The following AP3M1 variants were observed in gnomAD, a reference collection of about 807,000 sequenced individuals.
AP3M1 encodes adaptor related protein complex 3 subunit mu 1.
Under a neutral mutation model 42.6 loss-of-function variants are expected in AP3M1, and 29 were observed. The observed-to-expected ratio is 0.68, with a 90% CI of 0.51 to 0.93. The LOEUF (loss-of-function observed/expected upper bound fraction) is 0.93. AP3M1 is among the 40% of genes least tolerant of loss of function. The pLI, the probability that AP3M1 is intolerant of heterozygous loss-of-function variation, is 0.00. For missense variants in AP3M1, 416 were observed against 510.2 expected, an observed-to-expected ratio of 0.82 and a Z score of 1.78; for synonymous variants, 178 against 175.3, an observed-to-expected ratio of 1.02 and a Z score of -0.12.
At chr10:74,144,494 C>T (rs1841269098) in intron 1 of AP3M1, among the ~76,000 whole-genome samples, 1 of 151,978 alleles carries the variant, frequency 6.6e-6, no homozygotes, top group South Asian at 2.1e-4. Context: ...ATCCTGGACT[C>T]CTGGGCTCAA....
Position 74,123,843 on chromosome 10 carries a change from G to A in AP3M1, c.1224C>T (p.Val408=). The A allele has an allele frequency of 1.9e-6, 3 of 1,614,106 alleles. No homozygotes were observed. The highest frequency in any genetic ancestry group is 1.7e-6 in the Non-Finnish European group (2 of 1,180,000). ...TCACTTGGAACTTTCCAGCTTTCGT[G>A]ACGTATTTGACTCCTTTAAATGGCT... The part of the protein sequence containing the change: ...KYKPFKGVKY[V]TKAGKFQVRT Residue 408 remains valine (V), a synonymous_variant, in exon 9 of 9, where the codon GTC becomes GTT. Transcript: ENST00000355264.
In AP3M1 at chr10:74,136,613, C is replaced by A. The variant is rs756409463; in HGVS notation, c.445+19G>T. 1 of 1,507,010 alleles carries A rather than the reference C, an allele frequency of 6.6e-7. No individual in the cohort carries two copies. Among genetic ancestry groups the A allele is most frequent in the Non-Finnish European group, 9.0e-7 (1 of 1,110,970 alleles). 93.4% of individuals were successfully genotyped at this position (1,507,010 alleles called of 1,614,324 possible). A position where few individuals can be genotyped will look rare whatever the true frequency, so the allele number is the denominator to read the frequency against. On this transcript the variant is annotated intron_variant, in intron 3 of 8. Coordinates refer to ENST00000355264, the MANE Select transcript of AP3M1 (RefSeq NM_012095.6). ...AGTTTTAATTGCTCAGTTACTAGCACAGTATGTTTTCATCTTACCTGTAAT... is the reference window on the plus strand; with the variant it reads ...AGTTTTAATTGCTCAGTTACTAGCAAAGTATGTTTTCATCTTACCTGTAAT...
chr10:74,138,349 A>C lies in AP3M1; in HGVS notation c.31T>G (p.Ser11Ala), dbSNP rs1467147908. MIHSLFLINCSGDIFLEKHWK... is the reference protein window; with the variant it reads MIHSLFLINCAGDIFLEKHWK... ...TGCTTCTCTAGAAATATGTCACCGG[A>C]ACAGTTTATGAGAAATAGACTGTGG... Residue 11 changes from serine (S) to alanine (A), a missense_variant, in exon 2 of 9, where the codon TCC (serine) becomes GCC (alanine). Physicochemically the swap from Ser to Ala is moderately conservative, Grantham distance 99 (BLOSUM62 1). Transcript: ENST00000355264. The C allele has an allele frequency of 6.2e-7, 1 of 1,614,174 alleles. No individual in the cohort carries two copies. The highest frequency in any genetic ancestry group is 1.7e-5 in the Admixed American group (1 of 60,022).
In AP3M1 at chr10:74,129,937, A is replaced by C; in HGVS notation, c.639T>G (p.Ser213=). ...AAGAAAGGGAGAGATCAGGCATTCC[A>C]GATAGTTTAATGCAAGCATCAATGA... The part of the protein sequence containing the change: ...QGVIDACIKL[S]GMPDLSLSFM... Residue 213 remains serine (S), a synonymous_variant, in exon 5 of 9, where the codon TCT becomes TCG. Transcript: ENST00000355264. 4.3e-6 allele frequency: 7 copies of C among 1,613,776 alleles called. No homozygotes were observed. The highest frequency in any genetic ancestry group is 4.0e-5 in the African/African-American group (3 of 75,034).
chr10:74,140,370 A>G lies in AP3M1; in HGVS notation c.-3-1988T>C, dbSNP rs537445660. The stretch of plus-strand genomic sequence containing the variant: ...GTGGACTTCCCTACATACCTTTGCA[A>G]GCCCTTCTGTGCCGACCAGCGCCTT... On this transcript the variant is annotated intron_variant, in intron 1 of 8. Coordinates refer to ENST00000355264, the MANE Select transcript of AP3M1 (RefSeq NM_012095.6). Among the ~76,000 whole-genome samples, 13 of 152,326 alleles carry G rather than the reference A, an allele frequency of 8.5e-5. No individual in the cohort carries two copies. The South Asian group carries it at 2.7e-3, about 32-fold the overall frequency.
chr10:74,136,291 T>C (rs1278431986), intron 3 of AP3M1, among the ~76,000 whole-genome samples: 1 of 152,174 alleles, frequency 6.6e-6, no homozygotes, highest in Non-Finnish European at 1.5e-5. Flanking sequence ...TGCCAGTCTA[T>C]AAATGGACTA....
At chr10:74,128,396 C>T (rs968269000) in intron 6 of AP3M1, among the ~76,000 whole-genome samples, 8 of 151,978 alleles carry the variant, frequency 5.3e-5, no homozygotes, top group Middle Eastern at 3.4e-3. Context: ...CACGCTACCA[C>T]GCCTGGCTAA....
chr10:74,135,741 T>C (rs187208029), intron 3 of AP3M1, among the ~76,000 whole-genome samples: 2 of 152,384 alleles, frequency 1.3e-5, no homozygotes, highest in East Asian at 1.9e-4. Context: ...TACAGTTATT[T>C]ACTTAATTTT....
chr10:74,134,268 T>C (rs1011207719), intron 3 of AP3M1, 104 bp from the exon 4 acceptor site: 8 of 1,261,442 alleles, frequency 6.3e-6, no homozygotes, highest in African/African-American at 1.5e-5. Flanking sequence ...TGGATTTTTC[T>C]TAATGAAGTT....
chr10:74,120,499 A>G lies in AP3M1; in HGVS notation c.*3311T>C. The G allele has an allele frequency of 6.6e-6, 1 of 152,224 alleles. No individual in the cohort carries two copies. Among genetic ancestry groups the G allele is most frequent in the Non-Finnish European group, 1.5e-5 (1 of 68,050 alleles). The allele number at this position is 152,224 out of a possible 1,614,324, so 9.4% of individuals were successfully genotyped here. A position where few individuals can be genotyped will look rare whatever the true frequency, so the allele number is the denominator to read the frequency against. ...GTTCCCCGAAAAGCTAAAGTTGTTA[A>G]GTTTGTAGGAGTACCACAGGTCCTT... On this transcript the variant is annotated 3_prime_UTR_variant, in exon 9 of 9. Coordinates refer to ENST00000355264, the MANE Select transcript of AP3M1 (RefSeq NM_012095.6).
chr10:74,134,190 A>G lies in AP3M1; in HGVS notation c.446-26T>C, dbSNP rs964275217. 6.8e-6 allele frequency: 11 copies of G among 1,606,858 alleles called. No homozygotes were observed. The African/African-American group carries it at 1.3e-4, about 20-fold the overall frequency. Reference sequence around the variant, plus strand: ...CTAGAAACCAAAAAAGGAGAAGGCAAAGCTGATGTATAAAACAGTCATGAG... The same window carrying G: ...CTAGAAACCAAAAAAGGAGAAGGCAGAGCTGATGTATAAAACAGTCATGAG... On this transcript the variant is annotated intron_variant, in intron 3 of 8. Transcript: ENST00000355264.
chr10:74,139,599 T>TG (rs1841069906), intron 1 of AP3M1, among the ~76,000 whole-genome samples: 3 of 139,952 alleles, frequency 2.1e-5, no homozygotes, highest in African/African-American at 8.1e-5. Flanking sequence ...CTGGCCAACG[T>TG]GCAGAAACTC....
chr10:74,143,710 A>C (rs114909235), intron 1 of AP3M1, among the ~76,000 whole-genome samples: 2,057 of 152,294 alleles, frequency 0.014, 55 homozygotes, highest in African/African-American at 0.047. Context: ...AAGTTAGGTC[A>C]ATTACCTAAG....
rs12268287 is a variant in AP3M1, at chr10:74,125,263, G to A, written c.1012-739C>T. ...CAAAGTGCTGGGATTACAGGCGTAA[G>A]CCACTGCGCCCAGCCTCTGTTTATT... On this transcript the variant is annotated intron_variant, in intron 7 of 8. Transcript: ENST00000355264. Among the ~76,000 whole-genome samples the A allele has an allele frequency of 5.0e-3, 755 of 152,340 alleles. 8 individuals carry two copies. The highest frequency in any genetic ancestry group is 0.018 in the African/African-American group (728 of 41,576).
At chr10:74,140,189 AC>A (rs946710337) in intron 1 of AP3M1, among the ~76,000 whole-genome samples, 1 of 152,088 alleles carries the variant, frequency 6.6e-6, no homozygotes, top group African/African-American at 2.4e-5. Context: ...TGGGGCGCAC[AC>A]ATCCACCCCA....
rs1402768492 is a variant in AP3M1, at chr10:74,123,923, G to C, written c.1157-13C>G. ...TTTACTTTTAAGCCTGTATCAAAAA[G>C]AATGAAAAAGAATAAATTATCATCA... On this transcript the variant is annotated splice_polypyrimidine_tract_variant and intron_variant, in intron 8 of 8. Transcript: ENST00000355264. 1 of 1,595,060 alleles carries C rather than the reference G, an allele frequency of 6.3e-7. No individual in the cohort carries two copies.
chr10:74,140,546 TG>T (rs1841113248), intron 1 of AP3M1, among the ~76,000 whole-genome samples: 1 of 151,012 alleles, frequency 6.6e-6, no homozygotes, highest in Admixed American at 6.6e-5. Context: ...AAACAAGAAT[TG>T]GGGGGATGCT....
chr10:74,128,173 A>G (rs898465682), intron 6 of AP3M1, among the ~76,000 whole-genome samples: 1 of 149,546 alleles, frequency 6.7e-6, no homozygotes, highest in African/African-American at 2.5e-5. Flanking sequence ...GAGTTCTGTC[A>G]TGATGTTACT....
chr10:74,138,240 G>A lies in AP3M1; in HGVS notation c.140C>T (p.Pro47Leu). 6.2e-7 allele frequency: 1 copy of A among 1,614,132 alleles called. No individual in the cohort carries two copies. Among genetic ancestry groups the A allele is most frequent in the Non-Finnish European group, 8.5e-7 (1 of 1,180,012 alleles). ...GTAGTGGTGAGGTGTTGAAATGACA[G>A]GTGGTACATTTTCAACATCAGCAGC... Reference protein sequence around the residue: ...EKAADVENVPPVISTPHHYLI... With the variant: ...EKAADVENVPLVISTPHHYLI... Residue 47 changes from proline (P) to leucine (L), a missense_variant, in exon 2 of 9, where the codon CCT (proline) becomes CTT (leucine). Physicochemically the swap from Pro to Leu is moderately conservative, Grantham distance 98. Coordinates refer to ENST00000355264, the MANE Select transcript of AP3M1 (RefSeq NM_012095.6).
Sources: gnomAD v4.1 joint callset for allele counts (sites outside exome capture counted in the v4.1 genomes callset) on GRCh38, gnomAD v4.1.1 for gene constraint, MANE v1.5 for transcripts, NCBI Gene and HGNC (gene_info 2026-07-23, HGNC 2026-07-21) for gene names.